Variants in EED observed in about 807,000 individuals in gnomAD.
EED encodes embryonic ectoderm development.
Under a neutral mutation model 61.0 loss-of-function variants are expected in EED, and 9 were observed. The observed-to-expected ratio is 0.15, with a 90% confidence interval of 0.09 to 0.26. The LOEUF is 0.26. Ranked by LOEUF, EED falls within the 10% of genes least tolerant of loss-of-function variation. The pLI is 1.00. For synonymous variants in EED, 187 were observed against 174.4 expected (o/e 1.07, Z -0.57); for missense variants, 315 against 542.3 (o/e 0.58, Z 4.16).
At chr11:86,250,477 G>A in intron 2 of EED, 29 bp downstream of exon 2, 1 of 1,518,430 alleles carries the variant, frequency 6.6e-7, no homozygotes, top group Non-Finnish European at 8.8e-7. Flanking sequence ...CCTTTGGGCT[G>A]AATGCTAGGC....
chr11:86,261,238 A>T (rs1945819087), intron 6 of EED, among the ~76,000 whole-genome samples: 2 of 152,244 alleles, frequency 1.3e-5, no homozygotes, highest in South Asian at 4.1e-4. Flanking sequence ...AGTCCCTTCC[A>T]AAAAGGAGAG....
chr11:86,264,377 T>G (rs1485084692), intron 7 of EED, 114 bp downstream of exon 7: 5 of 656,520 alleles, frequency 7.6e-6, no homozygotes, highest in Non-Finnish European at 1.3e-5. Context: ...AGGCAGACAT[T>G]CACTTACATT....
chr11:86,283,854 A>G, the EED span: 7 of 18,160 alleles, frequency 3.9e-4, no homozygotes, highest in East Asian at 7.1e-3. Flanking sequence ...GGAGATCCAG[A>G]AAAAAAAAAA....
At chr11:86,261,377 G>A (rs965829637) in intron 6 of EED, among the ~76,000 whole-genome samples, 7 of 152,180 alleles carry the variant, frequency 4.6e-5, no homozygotes, top group African/African-American at 1.7e-4. Flanking sequence ...GCTGGGTGTG[G>A]AGTTTGGGCC....
At chr11:86,256,866 A>ATAAAGG (rs1945688235) in intron 5 of EED, among the ~76,000 whole-genome samples, 1 of 152,206 alleles carries the variant, frequency 6.6e-6, no homozygotes, top group African/African-American at 2.4e-5. Flanking sequence ...TGTAACGAAC[A>ATAAAGG]TAAAGGTGAA....
At chr11:86,274,616 G>A (rs1946187904) in intron 9 of EED, among the ~76,000 whole-genome samples, 1 of 152,114 alleles carries the variant, frequency 6.6e-6, no homozygotes, top group Admixed American at 6.5e-5. Context: ...GCTCAGTCGG[G>A]GTGGGAGTTA....
In EED at chr11:86,245,226, G is replaced by A. The variant is rs758476243; in HGVS notation, c.-4G>A. The A allele has an allele frequency of 1.1e-5, 17 of 1,612,000 alleles. No homozygotes were observed. In the South Asian group the frequency reaches 1.9e-4, roughly 18 times the overall value. ...GGCAGGAACCTGGAGGGAGGCGGAG[G>A]AATATGTCCGAGAGGGAAGTGTCGA... On this transcript the variant is annotated 5_prime_UTR_variant, in exon 1 of 12. Coordinates refer to ENST00000263360, the MANE Select transcript of EED (RefSeq NM_003797.5).
At chr11:86,262,725 A>G (rs1489190505) in intron 6 of EED, among the ~76,000 whole-genome samples, 2 of 151,144 alleles carry the variant, frequency 1.3e-5, no homozygotes, top group Non-Finnish European at 2.9e-5. Context: ...TGCCCAGGCT[A>G]GTCTCGAATT....
chr11:86,270,705 C>A (rs886181112), intron 9 of EED, among the ~76,000 whole-genome samples: 2 of 152,068 alleles, frequency 1.3e-5, no homozygotes, highest in African/African-American at 4.8e-5. Context: ...TATGAAGGTG[C>A]GAGGTTTAGG....
intron 11 of EED, 189 bp downstream of exon 11, chr11:86,278,180 T>C: frequency 7.5e-7 from 1 of 1,325,928 alleles, no homozygotes. Flanking sequence ...TGGTGACAAG[T>C]CATTTCTTGT....
At chr11:86,270,426 TAC>T (rs1456228873) in intron 9 of EED, among the ~76,000 whole-genome samples, 1 of 151,224 alleles carries the variant, frequency 6.6e-6, no homozygotes, top group African/African-American at 2.4e-5. Context: ...CTGTATCAGA[TAC>T]ATAGTTTGCA....
In EED at chr11:86,265,211, A is replaced by G. The variant is rs551913009; in HGVS notation, c.727-872A>G. The G allele has an allele frequency of 6.6e-5, 10 of 152,352 alleles. 1 individual carries two copies. The East Asian group carries it at 1.3e-3, about 21-fold the overall frequency. 9.4% of individuals were successfully genotyped at this position (152,352 alleles called of 1,614,324 possible). ...ACAACTGTGAATTCAATAAACATCA[A>G]GCCTAAAGTTCTTAGGCTCTTATAA... is the stretch of plus-strand genomic sequence containing the variant. On this transcript the variant is annotated intron_variant, in intron 7 of 11. Transcript: ENST00000263360.
intron 1 of EED, among the ~76,000 whole-genome samples, chr11:86,245,851 C>A (rs541339245): frequency 5.9e-5 from 9 of 152,162 alleles, no homozygotes; most frequent in Non-Finnish European, 1.2e-4. Flanking sequence ...CCGCCTCCGT[C>A]CTGTCCGCGG....
intron 6 of EED, among the ~76,000 whole-genome samples, chr11:86,261,313 A>C (rs1439721351): frequency 6.6e-6 from 1 of 152,228 alleles, no homozygotes; most frequent in African/African-American, 2.4e-5. Context: ...AACAAGATTA[A>C]ATCCAAGGCA....
intron 6 of EED, among the ~76,000 whole-genome samples, chr11:86,261,711 A>T (rs145508372): frequency 2.6e-5 from 4 of 152,318 alleles, no homozygotes; most frequent in African/African-American, 9.6e-5. Flanking sequence ...CACCACATGG[A>T]CACTGCCAAG....
In EED at chr11:86,277,996, GTATT is replaced by G. The variant is rs372689705; in HGVS notation, c.1199+8_1199+11del. On this transcript the variant is annotated splice_donor_region_variant and intron_variant, in intron 11 of 11. Transcript: ENST00000263360. ...AGAAGATCCTCATAAAGCCAAGTAA[GTATT>G]TAGAAATTTCTGTTCAAAATTTCAG... 5.1e-4 allele frequency: 773 copies of G among 1,520,206 alleles called. 3 individuals are homozygous for G. The African/African-American group carries it at 0.01, about 20-fold the overall frequency. 94.2% of individuals were successfully genotyped at this position (1,520,206 alleles called of 1,614,324 possible).
Position 86,257,340 on chromosome 11 carries a change from C to CT in EED, c.553-157dup, listed in dbSNP as rs374892814. On this transcript the variant is annotated intron_variant, in intron 5 of 11. Coordinates refer to ENST00000263360, the MANE Select transcript of EED (RefSeq NM_003797.5). ...ATGAGCCACCCACTGTGCCTGGGGT[C>CT]TTTTTTTTTTTTTTTTTTCCTTTTC... Among the ~76,000 whole-genome samples, 308 of 101,768 alleles carry CT rather than the reference C, an allele frequency of 3.0e-3. 1 individual carries two copies. Among genetic ancestry groups the CT allele is most frequent in the Middle Eastern group, 0.011 (2 of 190 alleles). 66.8% of individuals were successfully genotyped at this position (101,768 alleles called of 152,430 possible).
intron 3 of EED, 57 bp downstream of exon 3, chr11:86,252,297 G>T: frequency 8.2e-7 from 1 of 1,220,802 alleles, no homozygotes; most frequent in Non-Finnish European, 1.2e-6. Context: ...TGGTGTTAAT[G>T]TAATATTGAA....
In EED at chr11:86,278,604, A is replaced by G; in HGVS notation, c.*79A>G. ...ATTAATGTATCTTGCTAGTAAGGGC[A>G]CGTAGAGCATTTAGAGTTGTCTTTC... On this transcript the variant is annotated 3_prime_UTR_variant, in exon 12 of 12. Coordinates refer to ENST00000263360, the MANE Select transcript of EED (RefSeq NM_003797.5). 1 of 1,545,092 alleles carries G rather than the reference A, an allele frequency of 6.5e-7. No individual in the cohort carries two copies. The highest frequency in any genetic ancestry group is 8.8e-7 in the Non-Finnish European group (1 of 1,139,730).
Sources: allele counts gnomAD v4.1 joint callset (sites outside exome capture counted in the v4.1 genomes callset), GRCh38; gene constraint gnomAD v4.1.1; transcripts MANE v1.5; gene names NCBI Gene and HGNC (gene_info 2026-07-23, HGNC 2026-07-21).